The following NPAS3 variants were observed in gnomAD, a reference collection of about 807,000 sequenced individuals.
NPAS3 encodes neuronal PAS domain protein 3.
A neutral mutation model predicts 73.1 loss-of-function variants in NPAS3; 14 were observed. The ratio of observed to expected loss-of-function variants is 0.19; its 90% CI spans 0.13 to 0.30. The LOEUF is 0.30. NPAS3 is among the 10% of genes least tolerant of loss of function. The pLI, the probability that NPAS3 is intolerant of heterozygous loss-of-function variation, is 1.00. For missense variants in NPAS3, 1,096 were observed against 1,250.0 expected (o/e 0.88, Z 1.86); for synonymous variants, 620 against 541.5 (o/e 1.14, Z -2.01).
chr14:33,085,031 T>C (rs926099459), intron 2 of NPAS3, among the ~76,000 whole-genome samples: 6 of 152,198 alleles, frequency 3.9e-5, no homozygotes, highest in African/African-American at 9.7e-5. Flanking sequence ...TTTTCTAACA[T>C]TGATACCTCT....
At chr14:32,934,935 G>T (rs1252706973), upstream of NPAS3, 2 of 1,183,106 alleles carry the variant, frequency 1.7e-6, no homozygotes, top group Middle Eastern at 2.5e-4. The surrounding 1 kb of genome is among the most constrained non-coding windows in gnomAD (Gnocchi z 4.1). Flanking sequence ...GCGCGGGCAT[G>T]GGGAGGGCCG....
In NPAS3 at chr14:33,223,575, T is replaced by A. The variant is rs567669872; in HGVS notation, c.385+8149T>A. Reference sequence around the variant, plus strand: ...GTTTTCTTTTTGTCAGTGATTCTGGTCTGAATGATTACTTACTGTCTAATC... The same window carrying A: ...GTTTTCTTTTTGTCAGTGATTCTGGACTGAATGATTACTTACTGTCTAATC... On this transcript the variant is annotated intron_variant, in intron 3 of 11. Transcript: ENST00000356141. Among the ~76,000 whole-genome samples the A allele has an allele frequency of 5.9e-5, 9 of 152,296 alleles. No homozygotes were observed. The East Asian group carries it at 1.5e-3, about 26-fold the overall frequency.
intron 3 of NPAS3, among the ~76,000 whole-genome samples, chr14:33,320,040 G>A (rs1008572771): frequency 6.6e-6 from 1 of 152,086 alleles, no homozygotes; most frequent in Non-Finnish European, 1.5e-5. Context: ...CAGTGTTCCT[G>A]GTCAATCGGG....
intron 3 of NPAS3, among the ~76,000 whole-genome samples, chr14:33,355,951 C>T (rs1433364127): frequency 2.0e-5 from 3 of 152,222 alleles, no homozygotes; most frequent in African/African-American, 7.2e-5. Context: ...AATGCCAGCT[C>T]CATGCAGGCC....
intron 6 of NPAS3, among the ~76,000 whole-genome samples, chr14:33,705,312 C>T (rs2060626539): frequency 6.6e-6 from 1 of 152,132 alleles, no homozygotes; most frequent in South Asian, 2.1e-4. Flanking sequence ...AGCATCTACA[C>T]AGTTAGTTCA....
At chr14:33,438,239 ACATG>A (rs2049077273) in intron 4 of NPAS3, among the ~76,000 whole-genome samples, 1 of 152,196 alleles carries the variant, frequency 6.6e-6, no homozygotes, top group African/African-American at 2.4e-5. Context: ...AGAAAAGATG[ACATG>A]CATTGCAGTG....
intron 6 of NPAS3, among the ~76,000 whole-genome samples, chr14:33,722,276 G>A (rs535441851): frequency 3.2e-4 from 49 of 152,182 alleles, no homozygotes; most frequent in African/African-American, 1.1e-3. Context: ...AATTTGTTTT[G>A]CCCATGGTTT....
At chr14:33,654,015 A>G (rs2059074068) in intron 5 of NPAS3, among the ~76,000 whole-genome samples, 1 of 152,228 alleles carries the variant, frequency 6.6e-6, no homozygotes, top group Non-Finnish European at 1.5e-5. Context: ...GGATAAAGGC[A>G]GTCTTATAAG....
chr14:33,219,475 G>T (rs1205710800), intron 3 of NPAS3, among the ~76,000 whole-genome samples: 1 of 152,160 alleles, frequency 6.6e-6, no homozygotes, highest in African/African-American at 2.4e-5. Flanking sequence ...AATATGTAAA[G>T]TATAAGAAAT....
chr14:33,791,274 C>T (rs2063352041), intron 9 of NPAS3, among the ~76,000 whole-genome samples: 6 of 152,194 alleles, frequency 3.9e-5, no homozygotes. Context: ...AAGCCGTGAG[C>T]CATTCCCTTC....
chr14:33,158,179 C>A (rs1343183162), intron 2 of NPAS3, among the ~76,000 whole-genome samples: 2 of 152,050 alleles, frequency 1.3e-5, no homozygotes, highest in South Asian at 4.2e-4. Context: ...CGGATTGTAC[C>A]GCGAACTGTG....
intron 7 of NPAS3, among the ~76,000 whole-genome samples, chr14:33,757,560 A>T (rs1014990923): frequency 2.0e-5 from 3 of 152,236 alleles, no homozygotes; most frequent in South Asian, 2.1e-4. Context: ...AATGAGAGAG[A>T]CCGGTTAGGC....
At chr14:33,510,043 A>C (rs544110643) in intron 4 of NPAS3, among the ~76,000 whole-genome samples, 1 of 152,160 alleles carries the variant, frequency 6.6e-6, no homozygotes, top group South Asian at 2.1e-4. Flanking sequence ...GGGATAATAA[A>C]AATCAGAGGT....
At chr14:33,393,117 T>C (rs2047077168) in intron 4 of NPAS3, among the ~76,000 whole-genome samples, 1 of 152,146 alleles carries the variant, frequency 6.6e-6, no homozygotes, top group Non-Finnish European at 1.5e-5. Context: ...CTAAATGATG[T>C]GACAACATTT....
chr14:33,543,838 A>G (rs976318114), intron 4 of NPAS3, among the ~76,000 whole-genome samples: 2 of 151,744 alleles, frequency 1.3e-5, no homozygotes, highest in Admixed American at 6.6e-5. Context: ...CTCTGCCATG[A>G]AAGAATGGGG....
At chr14:33,311,801 G>A (rs2043014445) in intron 3 of NPAS3, among the ~76,000 whole-genome samples, 1 of 152,044 alleles carries the variant, frequency 6.6e-6, no homozygotes, top group Non-Finnish European at 1.5e-5. Flanking sequence ...GGTGTAACTT[G>A]GCCTGAGAAT....
chr14:33,388,670 A>G (rs1295993113), intron 4 of NPAS3, among the ~76,000 whole-genome samples: 1 of 152,170 alleles, frequency 6.6e-6, no homozygotes, highest in African/African-American at 2.4e-5. Context: ...TTCAGAAAAC[A>G]AAAGCAAAAT....
intron 2 of NPAS3, among the ~76,000 whole-genome samples, chr14:33,188,085 G>T (rs1255651886): frequency 6.6e-6 from 1 of 152,164 alleles, no homozygotes; most frequent in Non-Finnish European, 1.5e-5. Context: ...GCAGTCTGAT[G>T]CCATGGACCA....
chr14:32,961,468 C>T (rs2036916949), intron 1 of NPAS3, among the ~76,000 whole-genome samples: 1 of 151,616 alleles, frequency 6.6e-6, no homozygotes, highest in Non-Finnish European at 1.5e-5. Context: ...GTACTGCCAC[C>T]TTATATTGGT....
Sources: gnomAD v4.1 joint callset for allele counts (sites outside exome capture counted in the v4.1 genomes callset) on GRCh38, gnomAD v4.1.1 for gene constraint, Gnocchi (gnomAD v3.1) non-coding constraint, MANE v1.5 for transcripts, NCBI Gene and HGNC (gene_info 2026-07-23, HGNC 2026-07-21) for gene names.